Variants in CASK observed in about 807,000 individuals in gnomAD.
The protein encoded by CASK is calcium/calmodulin dependent serine protein kinase, also known as peripheral plasma membrane protein CASK.
In CASK, 4 loss-of-function variants were observed where a neutral mutation model predicts 82.9. The ratio of observed to expected loss-of-function variants is 0.05; its 90% CI spans 0.02 to 0.11. The LOEUF is 0.11. Among genes scored for constraint, CASK ranks in the 10% least tolerant of loss-of-function variants. The pLI, the probability that CASK is intolerant of heterozygous loss-of-function variation, is 1.00. For missense variants in CASK, 358 were observed against 720.9 expected, an observed-to-expected ratio of 0.50 and a Z score of 5.76; for synonymous variants, 259 against 253.5, an observed-to-expected ratio of 1.02 and a Z score of -0.20.
At chrX:41,888,705 A>G (rs747085557) in intron 1 of CASK, among the ~76,000 whole-genome samples, 1 of 105,212 alleles carries the variant, frequency 9.5e-6, no homozygotes, top group African/African-American at 3.4e-5. Flanking sequence ...ATATATACGT[A>G]TATATGTATA....
intron 15 of CASK, among the ~76,000 whole-genome samples, chrX:41,574,891 G>T (rs1241316730): frequency 8.9e-6 from 1 of 112,121 alleles, no homozygotes; most frequent in African/African-American, 3.2e-5. Flanking sequence ...CTATAACTTT[G>T]CATTGTTCCT....
At chrX:41,579,573 T>C (rs963938919) in intron 14 of CASK, among the ~76,000 whole-genome samples, 5 of 112,004 alleles carry the variant, frequency 4.5e-5, no homozygotes, top group Admixed American at 2.9e-4. Context: ...TATTTGAACA[T>C]TTCTATTTCA....
At chrX:41,861,747 T>C (rs2071481598) in intron 1 of CASK, among the ~76,000 whole-genome samples, 1 of 103,444 alleles carries the variant, frequency 9.7e-6, no homozygotes, top group African/African-American at 3.5e-5. Flanking sequence ...TGTATATATA[T>C]TACATGTATA....
At chrX:41,831,876 G>A (rs752400263) in intron 2 of CASK, among the ~76,000 whole-genome samples, 101 of 111,294 alleles carry the variant, frequency 9.1e-4, no homozygotes, top group African/African-American at 3.1e-3. Context: ...CAGGAGAATC[G>A]CTTGAACCCA....
intron 2 of CASK, among the ~76,000 whole-genome samples, chrX:41,846,516 C>T (rs937149097): frequency 1.0e-4 from 11 of 110,267 alleles, no homozygotes; most frequent in African/African-American, 3.0e-4. Flanking sequence ...TGAATAAGAC[C>T]TAGTATTTGC....
At chrX:41,915,866 T>C (rs1240893566) in intron 1 of CASK, among the ~76,000 whole-genome samples, 2 of 109,168 alleles carry the variant, frequency 1.8e-5, no homozygotes. Flanking sequence ...CGGGCGTCTG[T>C]AGTCCCAGCT....
intron 1 of CASK, among the ~76,000 whole-genome samples, chrX:41,873,228 A>T (rs972199625): frequency 9.5e-6 from 1 of 104,885 alleles, no homozygotes; most frequent in Non-Finnish European, 2.0e-5. Flanking sequence ...CCATTCAAGG[A>T]ACAACAACCT....
chrX:41,629,013 T>C (rs1381819222), intron 9 of CASK, among the ~76,000 whole-genome samples: 6 of 112,170 alleles, frequency 5.3e-5, no homozygotes, highest in Admixed American at 4.7e-4. Context: ...TTGTCAAAGA[T>C]CTGTAATAAA....
chrX:41,861,783 T>G (rs1292128522), intron 1 of CASK, among the ~76,000 whole-genome samples: 3 of 102,665 alleles, frequency 2.9e-5, no homozygotes, highest in Non-Finnish European at 3.9e-5. Flanking sequence ...TGTATATATA[T>G]TACATGTATA....
intron 1 of CASK, among the ~76,000 whole-genome samples, chrX:41,907,494 C>T (rs1272595747): frequency 8.9e-6 from 1 of 111,882 alleles, no homozygotes; most frequent in African/African-American, 3.3e-5. Context: ...AGAACAGGTA[C>T]AAAGGAGAAT....
intron 11 of CASK, among the ~76,000 whole-genome samples, chrX:41,621,157 G>A (rs773965557): frequency 2.7e-5 from 3 of 109,979 alleles, no homozygotes; most frequent in South Asian, 3.9e-4. Flanking sequence ...AAATCTAGAC[G>A]GGAAGAATCT....
chrX:41,696,030 C>G, intron 5 of CASK: 1 of 1,210,100 alleles, frequency 8.3e-7, no homozygotes, highest in Non-Finnish European at 1.1e-6. Flanking sequence ...TGTGGGAACA[C>G]TGTTTTATAT....
intron 2 of CASK, among the ~76,000 whole-genome samples, chrX:41,849,582 T>C (rs899837587): frequency 3.6e-5 from 4 of 111,884 alleles, no homozygotes; most frequent in African/African-American, 1.3e-4. Context: ...TTAGGAATAA[T>C]ATGCCTTTTT....
intron 9 of CASK, 58 bp from the exon 10 acceptor site, chrX:41,626,761 T>C: frequency 5.4e-6 from 4 of 744,748 alleles, no homozygotes; most frequent in Non-Finnish European, 8.2e-6. Context: ...TATAAATAAG[T>C]TATTTAACAA....
At chrX:41,789,990 C>A (rs1166927980) in intron 2 of CASK, among the ~76,000 whole-genome samples, 1 of 111,512 alleles carries the variant, frequency 9.0e-6, no homozygotes, top group Admixed American at 9.6e-5. Flanking sequence ...AGTGCAGTGG[C>A]GTGATCATGG....
At chrX:41,700,608 CT>C in intron 5 of CASK, among the ~76,000 whole-genome samples, 1 of 88,908 alleles carries the variant, frequency 1.1e-5, no homozygotes, top group Non-Finnish European at 2.1e-5. Context: ...GAGACAGGGT[CT>C]CACTCTGTCA....
chrX:41,801,647 C>G (rs948331474), intron 2 of CASK, among the ~76,000 whole-genome samples: 19 of 111,480 alleles, frequency 1.7e-4, no homozygotes, highest in African/African-American at 5.2e-4. Flanking sequence ...TCTTTGAGGG[C>G]AGGGTTGCAT....
chrX:41,618,586 G>T (rs774416592), intron 11 of CASK, among the ~76,000 whole-genome samples: 7 of 109,967 alleles, frequency 6.4e-5, no homozygotes, highest in Non-Finnish European at 1.3e-4. Flanking sequence ...TATAGGCATT[G>T]AGCCACCATG....
intron 1 of CASK, among the ~76,000 whole-genome samples, chrX:41,885,545 G>C (rs181764771): frequency 2.9e-4 from 33 of 111,971 alleles, no homozygotes; most frequent in Middle Eastern, 4.7e-3. Flanking sequence ...TATAAAATAA[G>C]TGTTAACAAA....
Sources: allele counts gnomAD v4.1 joint callset (sites outside exome capture counted in the v4.1 genomes callset), GRCh38; gene constraint gnomAD v4.1.1; transcripts MANE v1.5; gene names NCBI Gene and HGNC (gene_info 2026-07-23, HGNC 2026-07-21).